ADAMTSL1: variants seen among roughly 807,000 people sequenced by gnomAD.
ADAMTSL1 encodes ADAMTS like 1.
In ADAMTSL1, 126 loss-of-function variants were observed where a neutral mutation model predicts 201.8. The observed-to-expected ratio is 0.62, with a 90% CI of 0.54 to 0.72. The LOEUF is 0.72. Ranked by LOEUF, ADAMTSL1 falls within the 30% of genes least tolerant of loss-of-function variation. The pLI, the probability that ADAMTSL1 is intolerant of heterozygous loss-of-function variation, is 0.00. For missense variants in ADAMTSL1, 2,679 were observed against 2,277.8 expected (o/e 1.18, Z -3.59); for synonymous variants, 1,121 against 903.4 (o/e 1.24, Z -4.32).
intron 14 of ADAMTSL1, among the ~76,000 whole-genome samples, chr9:18,714,453 G>A (rs1388991278): frequency 6.6e-6 from 1 of 152,148 alleles, no homozygotes; most frequent in Admixed American, 6.5e-5. Flanking sequence ...TACCATCAGA[G>A]AATACTACAA....
chr9:17,960,416 G>T (rs1170854859), intron 1 of ADAMTSL1, among the ~76,000 whole-genome samples: 1 of 152,168 alleles, frequency 6.6e-6, no homozygotes, highest in African/African-American at 2.4e-5. Context: ...AGGAGAGAAA[G>T]AATACAAGGA....
At chr9:18,037,970 A>T (rs376901374) in intron 1 of ADAMTSL1, among the ~76,000 whole-genome samples, 11 of 152,274 alleles carry the variant, frequency 7.2e-5, no homozygotes, top group African/African-American at 2.6e-4. Flanking sequence ...ATATACCAAG[A>T]ATCTAAAGTA....
At position 18,145,007 on chromosome 9, in the gene ADAMTSL1, T is replaced by C. The variant is rs72701508; in HGVS notation, c.88-18855T>C. Among the ~76,000 whole-genome samples, 688 of 152,120 alleles carry C rather than the reference T, an allele frequency of 4.5e-3. 3 individuals carry two copies. Among genetic ancestry groups the C allele is most frequent in the Non-Finnish European group, 7.1e-3 (483 of 67,990 alleles). ...GATAATAGAAGTGTCCAAACAGAGATTGTGGGAGCTGCTGTGAGAGCTGGA... is the reference window on the plus strand; with the variant it reads ...GATAATAGAAGTGTCCAAACAGAGACTGTGGGAGCTGCTGTGAGAGCTGGA... On this transcript the variant is annotated intron_variant, in intron 1 of 29. Transcript: ENST00000680146.
intron 1 of ADAMTSL1, among the ~76,000 whole-genome samples, chr9:18,063,792 T>A (rs1165838809): frequency 6.6e-6 from 1 of 152,104 alleles, no homozygotes; most frequent in Non-Finnish European, 1.5e-5. Context: ...TGCATAAAAG[T>A]CTTTGGGCTG....
chr9:17,961,949 T>C (rs1817773663), intron 1 of ADAMTSL1, among the ~76,000 whole-genome samples: 1 of 152,122 alleles, frequency 6.6e-6, no homozygotes, highest in South Asian at 2.1e-4. Context: ...TCCAAAAACA[T>C]AGTAGCATTC....
At chr9:18,806,116 T>C (rs550957548) in intron 20 of ADAMTSL1, among the ~76,000 whole-genome samples, 33 of 152,348 alleles carry the variant, frequency 2.2e-4, no homozygotes, top group Middle Eastern at 3.4e-3. Flanking sequence ...GGAAGACCCA[T>C]TGGATCCATC....
rs748130868 is a variant in ADAMTSL1 at position 18,635,946 on chromosome 9, A to T, written c.605A>T (p.Asp202Val). ...ATTTTGCTTTGTTTCTCTCTAGCGG[A>T]TGATACTGTGGTTGCAATTCCCTAT... ...YKSQLSATKS[D>V]DTVVAIPYGS... The change falls in exon 6 of 29, where the codon GAT becomes GTT. Residue 202 changes from aspartate (D) to valine (V), a missense_variant. Coordinates refer to ENST00000380548, the MANE Select transcript of ADAMTSL1 (RefSeq NM_001040272.6). The T allele has an allele frequency of 1.3e-6, 2 of 1,599,744 alleles. No homozygotes were observed. The highest frequency in any genetic ancestry group is 1.7e-6 in the Non-Finnish European group (2 of 1,176,664).
chr9:18,241,635 A>G lies in ADAMTSL1; in HGVS notation c.207+77654A>G, dbSNP rs534877221. On this transcript the variant is annotated intron_variant, in intron 2 of 29. Coordinates refer to the ADAMTSL1 transcript ENST00000680146. ...ATAAACAAAATGACAAACCTTAGCT[A>G]GTCTAAACAAAAAGGAAAAGGCTCA... Among the ~76,000 whole-genome samples, 12 of 152,306 alleles carry G rather than the reference A, an allele frequency of 7.9e-5. No homozygotes were observed. The South Asian group carries it at 2.5e-3, about 32-fold the overall frequency.
intron 2 of ADAMTSL1, among the ~76,000 whole-genome samples, chr9:18,448,657 A>C (rs1229723950): frequency 1.3e-5 from 2 of 152,202 alleles, no homozygotes; most frequent in African/African-American, 4.8e-5. Context: ...TCAGTTATTC[A>C]TAAAAGTAAA....
At chr9:18,124,816 A>G (rs554170342) in intron 1 of ADAMTSL1, among the ~76,000 whole-genome samples, 147 of 152,266 alleles carry the variant, frequency 9.7e-4, no homozygotes, top group African/African-American at 3.4e-3. Flanking sequence ...TCTTATTTCA[A>G]ATATTAGTTT....
intron 1 of ADAMTSL1, among the ~76,000 whole-genome samples, chr9:18,036,004 C>G (rs1289803222): frequency 6.6e-6 from 1 of 152,122 alleles, no homozygotes. Context: ...ACCAACATTA[C>G]AATAAAATGA....
intron 21 of ADAMTSL1, among the ~76,000 whole-genome samples, chr9:18,822,214 GTGTT>G (rs371308479): frequency 1.5e-3 from 231 of 152,206 alleles, no homozygotes; most frequent in African/African-American, 4.4e-3. Flanking sequence ...TCATTTTCAG[GTGTT>G]TGTTTTTGTG....
intron 4 of ADAMTSL1, among the ~76,000 whole-genome samples, chr9:18,612,987 A>G (rs974064420): frequency 2.0e-5 from 3 of 152,262 alleles, no homozygotes; most frequent in Non-Finnish European, 4.4e-5. Flanking sequence ...TCTAACATCC[A>G]GCATCTATAA....
chr9:18,125,746 A>G (rs59290996), intron 1 of ADAMTSL1, among the ~76,000 whole-genome samples: 1 of 152,092 alleles, frequency 6.6e-6, no homozygotes, highest in African/African-American at 2.4e-5. Context: ...AATGTAAAGA[A>G]CTTTTCTATA....
At chr9:18,748,889 G>A (rs962685310) in intron 15 of ADAMTSL1, among the ~76,000 whole-genome samples, 1 of 152,214 alleles carries the variant, frequency 6.6e-6, no homozygotes, top group Non-Finnish European at 1.5e-5. Flanking sequence ...CAAGGTGTCA[G>A]CAGGACTGTA....
At chr9:18,226,425 T>C (rs1397294439) in intron 2 of ADAMTSL1, among the ~76,000 whole-genome samples, 1 of 152,190 alleles carries the variant, frequency 6.6e-6, no homozygotes, top group African/African-American at 2.4e-5. Context: ...TTAGGGATTC[T>C]ACTTCCCTTG....
intron 20 of ADAMTSL1, among the ~76,000 whole-genome samples, chr9:18,804,767 T>C (rs972565923): frequency 3.4e-4 from 52 of 152,342 alleles, no homozygotes; most frequent in African/African-American, 1.2e-3. Context: ...AATTTGAAGA[T>C]TTAATTCCAG....
At chr9:18,614,915 T>G (rs1825605326) in intron 4 of ADAMTSL1, among the ~76,000 whole-genome samples, 1 of 152,172 alleles carries the variant, frequency 6.6e-6, no homozygotes, top group Non-Finnish European at 1.5e-5. Context: ...GGCCTTGTGT[T>G]TTGGAAGTTT....
At chr9:18,753,047 A>G (rs1334216519) in intron 15 of ADAMTSL1, among the ~76,000 whole-genome samples, 2 of 152,196 alleles carry the variant, frequency 1.3e-5, no homozygotes, top group Non-Finnish European at 2.9e-5. Flanking sequence ...ACATGGTTGT[A>G]ACCATTATTG....
Sources: gnomAD v4.1 joint callset for allele counts (sites outside exome capture counted in the v4.1 genomes callset) on GRCh38, gnomAD v4.1.1 for gene constraint, MANE v1.5 for transcripts, NCBI Gene and HGNC (gene_info 2026-07-23, HGNC 2026-07-21) for gene names.